The following PDZRN4 variants were observed in gnomAD, a reference collection of about 807,000 sequenced individuals.
PDZRN4 encodes PDZ domain-containing RING finger protein 4.
A neutral mutation model predicts 99.0 loss-of-function variants in PDZRN4; 70 were observed. The observed-to-expected ratio is 0.71, with a 90% CI of 0.58 to 0.86. PDZRN4 has a LOEUF of 0.86. Ranked by LOEUF, PDZRN4 falls within the 40% of genes least tolerant of loss-of-function variation. The pLI is 0.00. For synonymous variants in PDZRN4, 551 were observed against 501.6 expected (o/e 1.10, Z -1.32); for missense variants, 1,474 against 1,331.2 (o/e 1.11, Z -1.67).
At chr12:41,429,364 T>C (rs957810562) in intron 3 of PDZRN4, among the ~76,000 whole-genome samples, 1 of 152,156 alleles carries the variant, frequency 6.6e-6, no homozygotes, top group African/African-American at 2.4e-5. Context: ...CAATCACCAG[T>C]GGAGTGGAGT....
intron 7 of PDZRN4, among the ~76,000 whole-genome samples, chr12:41,559,969 T>A (rs1453440228): frequency 6.6e-6 from 1 of 152,108 alleles, no homozygotes; most frequent in Non-Finnish European, 1.5e-5. Flanking sequence ...TCCTAAGGCC[T>A]CCCCAGTCAT....
In PDZRN4 at chr12:41,189,038, A is replaced by G. The variant is rs1356394335; in HGVS notation, c.583A>G (p.Lys195Glu). ...GCTCACGGCGCGCAGGTACCAGGAG[A>G]AGTTCACCCAATACATGGCTCACGT... ...VQLTARRYQE[K>E]FTQYMAHVRN... The change falls in exon 1 of 10, where the codon AAG becomes GAG. Residue 195 changes from lysine to glutamate, a missense_variant. Physicochemically the swap from Lys to Glu is moderately conservative, Grantham distance 56. Coordinates refer to ENST00000402685, the MANE Select transcript of PDZRN4 (RefSeq NM_001164595.2). 1.3e-6 allele frequency: 2 copies of G among 1,573,180 alleles called. No individual in the cohort carries two copies. Among genetic ancestry groups the G allele is most frequent in the Admixed American group, 3.5e-5 (2 of 56,360 alleles).
intron 3 of PDZRN4, among the ~76,000 whole-genome samples, chr12:41,239,865 G>A (rs1951091572): frequency 6.6e-6 from 1 of 152,174 alleles, no homozygotes; most frequent in African/African-American, 2.4e-5. Context: ...TGTTAAAAAT[G>A]AAAACCTTGA....
chr12:41,406,429 G>A (rs555879820), intron 3 of PDZRN4, among the ~76,000 whole-genome samples: 1 of 152,252 alleles, frequency 6.6e-6, no homozygotes, highest in Non-Finnish European at 1.5e-5. Flanking sequence ...CTACTGTGAT[G>A]TCCTCAATTT....
chr12:41,352,351 A>G (rs1280074271), intron 3 of PDZRN4, among the ~76,000 whole-genome samples: 1 of 152,134 alleles, frequency 6.6e-6, no homozygotes, highest in Non-Finnish European at 1.5e-5. Context: ...AGACTTAAGC[A>G]TGTCAGATGC....
intron 6 of PDZRN4, among the ~76,000 whole-genome samples, chr12:41,553,929 G>A (rs917560767): frequency 1.3e-5 from 2 of 152,024 alleles, no homozygotes; most frequent in Non-Finnish European, 2.9e-5. Flanking sequence ...GTACAACAGT[G>A]CTTATCTTAT....
At chr12:41,334,481 G>A (rs1359788535) in intron 3 of PDZRN4, among the ~76,000 whole-genome samples, 2 of 151,394 alleles carry the variant, frequency 1.3e-5, no homozygotes, top group Non-Finnish European at 2.9e-5. Context: ...ATCCTTCTCT[G>A]AAATAAGCTC....
intron 3 of PDZRN4, among the ~76,000 whole-genome samples, chr12:41,450,196 A>G (rs914479634): frequency 2.6e-5 from 4 of 152,232 alleles, no homozygotes; most frequent in Non-Finnish European, 4.4e-5. Flanking sequence ...ACTCAAAACC[A>G]TATTTCTTTT....
intron 5 of PDZRN4, among the ~76,000 whole-genome samples, chr12:41,552,261 A>G (rs556885411): frequency 6.6e-6 from 1 of 152,314 alleles, no homozygotes; most frequent in South Asian, 2.1e-4. Flanking sequence ...ACAAATAAAA[A>G]CATGTAATAG....
intron 7 of PDZRN4, 68 bp downstream of exon 7, chr12:41,555,828 T>C: frequency 8.0e-7 from 1 of 1,243,590 alleles, no homozygotes; most frequent in East Asian, 2.3e-5. Context: ...ACTTTGTTTC[T>C]TGTAAACTGT....
At chr12:41,341,330 A>C (rs564255385) in intron 3 of PDZRN4, among the ~76,000 whole-genome samples, 2 of 152,010 alleles carry the variant, frequency 1.3e-5, no homozygotes, top group South Asian at 4.1e-4. Flanking sequence ...ACTCCTATTC[A>C]ATGTAGTATT....
chr12:41,251,686 T>C (rs1951171132), intron 3 of PDZRN4, among the ~76,000 whole-genome samples: 2 of 152,212 alleles, frequency 1.3e-5, no homozygotes, highest in African/African-American at 4.8e-5. Flanking sequence ...TTGTATATGA[T>C]CTATGATAAA....
chr12:41,367,113 A>G (rs537698804), intron 3 of PDZRN4, among the ~76,000 whole-genome samples: 4 of 152,070 alleles, frequency 2.6e-5, no homozygotes, highest in Non-Finnish European at 5.9e-5. Flanking sequence ...GATGTGCAAC[A>G]CCTTTGTGCC....
intron 3 of PDZRN4, among the ~76,000 whole-genome samples, chr12:41,238,863 G>A (rs183754522): frequency 1.0e-3 from 159 of 152,274 alleles, no homozygotes; most frequent in African/African-American, 3.5e-3. Flanking sequence ...CACTGTTGGC[G>A]AGAATGCAAA....
intron 3 of PDZRN4, among the ~76,000 whole-genome samples, chr12:41,419,701 A>T (rs1471075576): frequency 6.6e-6 from 1 of 152,170 alleles, no homozygotes; most frequent in African/African-American, 2.4e-5. Context: ...CTACTGCAGA[A>T]TTAATGGCAT....
intron 3 of PDZRN4, among the ~76,000 whole-genome samples, chr12:41,255,561 G>A (rs1434951525): frequency 6.6e-6 from 1 of 152,094 alleles, no homozygotes; most frequent in African/African-American, 2.4e-5. Flanking sequence ...GGATGTTGAG[G>A]GAACCTGTTT....
intron 3 of PDZRN4, among the ~76,000 whole-genome samples, chr12:41,327,542 T>A (rs1174510179): frequency 6.6e-6 from 1 of 152,136 alleles, no homozygotes; most frequent in Non-Finnish European, 1.5e-5. Flanking sequence ...TCAATTTGAA[T>A]AAAACCTATG....
chr12:41,485,641 G>A (rs1206900537), intron 3 of PDZRN4, among the ~76,000 whole-genome samples: 1 of 151,834 alleles, frequency 6.6e-6, no homozygotes, highest in African/African-American at 2.4e-5. Context: ...CTTATTACCT[G>A]GAATATAATT....
chr12:41,253,379 C>A (rs904229201), intron 3 of PDZRN4, among the ~76,000 whole-genome samples: 1 of 152,162 alleles, frequency 6.6e-6, no homozygotes, highest in African/African-American at 2.4e-5. Flanking sequence ...TTTCATTCTT[C>A]TGCATACAGT....
Sources: allele counts gnomAD v4.1 joint callset (sites outside exome capture counted in the v4.1 genomes callset), GRCh38; gene constraint gnomAD v4.1.1; transcripts MANE v1.5; gene names NCBI Gene and HGNC (gene_info 2026-07-23, HGNC 2026-07-21).